The following DOCK4 variants were observed in gnomAD, a reference collection of about 807,000 sequenced individuals.
The protein encoded by DOCK4 is dedicator of cytokinesis 4, also known as dedicator of cytokinesis protein 4.
A neutral mutation model predicts 268.1 loss-of-function variants in DOCK4; 97 were observed. That is an observed-to-expected ratio of 0.36 (90% CI 0.31 to 0.43). DOCK4 has a LOEUF of 0.43. Among genes scored for constraint, DOCK4 ranks in the 20% least tolerant of loss-of-function variants. The pLI is 1.00. For missense variants in DOCK4, 2,145 were observed against 2,455.7 expected (o/e 0.87, Z 2.67); for synonymous variants, 954 against 887.2 (o/e 1.08, Z -1.34).
chr7:111,997,999 T>G (rs1800103734), intron 4 of DOCK4, among the ~76,000 whole-genome samples: 1 of 152,232 alleles, frequency 6.6e-6, no homozygotes, highest in South Asian at 2.1e-4. Flanking sequence ...AATAGAATAA[T>G]GGCTTTGTGA....
chr7:112,188,214 C>G (rs1401755907), intron 1 of DOCK4, among the ~76,000 whole-genome samples: 1 of 152,256 alleles, frequency 6.6e-6, no homozygotes, highest in East Asian at 1.9e-4. Context: ...ATCTCATACA[C>G]TTCACCTTCA....
intron 1 of DOCK4, among the ~76,000 whole-genome samples, chr7:112,127,617 T>A (rs1302472030): frequency 6.6e-6 from 1 of 152,068 alleles, no homozygotes; most frequent in African/African-American, 2.4e-5. Context: ...TGCTTAAAAA[T>A]TAAATTCATT....
rs565544544 is a variant in DOCK4, at chr7:111,742,215, C to A, written c.4678-83G>T. On this transcript the variant is annotated intron_variant, in intron 44 of 52. Transcript: ENST00000428084. The stretch of plus-strand genomic sequence containing the variant: ...CTGCTATGGGCCGAGCACTTTACTA[C>A]GCATTTCGCTTGCATTATTGCTAAT... 10 of 1,387,180 alleles carry A rather than the reference C, an allele frequency of 7.2e-6. No homozygotes were observed. The South Asian group carries it at 1.4e-4, about 20-fold the overall frequency. The allele number at this position is 1,387,180 out of a possible 1,614,324, so 85.9% of individuals were successfully genotyped here.
intron 47 of DOCK4, among the ~76,000 whole-genome samples, chr7:111,740,689 C>T (rs1446722777): frequency 3.0e-5 from 4 of 131,648 alleles, no homozygotes; most frequent in African/African-American, 1.1e-4. Context: ...GCCAAGATCG[C>T]ACCACTGCAC....
chr7:112,042,515 T>C (rs1363944108), intron 1 of DOCK4, among the ~76,000 whole-genome samples: 1 of 151,998 alleles, frequency 6.6e-6, no homozygotes, highest in Non-Finnish European at 1.5e-5. Flanking sequence ...ACATGCTGAG[T>C]AGAAGTTCCA....
chr7:111,731,395 A>C (rs1232079552), intron 52 of DOCK4, among the ~76,000 whole-genome samples: 6 of 152,190 alleles, frequency 3.9e-5, no homozygotes, highest in African/African-American at 1.4e-4. Flanking sequence ...CTAGCTCATC[A>C]CACAAAGGAC....
At chr7:111,770,649 T>C (rs1798073380) in intron 36 of DOCK4, among the ~76,000 whole-genome samples, 1 of 152,236 alleles carries the variant, frequency 6.6e-6, no homozygotes, top group Non-Finnish European at 1.5e-5. Flanking sequence ...AGGACTATAA[T>C]AATTTTTCCT....
chr7:111,995,431 GT>G lies in DOCK4; in HGVS notation c.219-1201del, dbSNP rs773201977. Among the ~76,000 whole-genome samples the G allele has an allele frequency of 9.2e-3, 806 of 87,912 alleles. 16 individuals carry two copies. Among genetic ancestry groups the G allele is most frequent in the Admixed American group, 0.073 (565 of 7,700 alleles). 57.7% of individuals were successfully genotyped at this position (87,912 alleles called of 152,430 possible). ...TCTTTCTTTGTGTGTGTGTGTGTGT[GT>G]GTGTGTGTGTGTGTGTGTGTGTGTG... On this transcript the variant is annotated intron_variant, in intron 4 of 52. Coordinates refer to ENST00000428084, the MANE Select transcript of DOCK4 (RefSeq NM_001363540.2).
rs1795860590 is a variant in DOCK4, at chr7:111,949,182, G to A, written c.702-3384C>T. Among the ~76,000 whole-genome samples, 5 of 152,166 alleles carry A rather than the reference G, an allele frequency of 3.3e-5. No homozygotes were observed. The South Asian group carries it at 8.3e-4, about 25-fold the overall frequency. On this transcript the variant is annotated intron_variant, in intron 8 of 52. Coordinates refer to ENST00000428084, the MANE Select transcript of DOCK4 (RefSeq NM_001363540.2). Reference sequence around the variant, plus strand: ...TTTTTGAGATGTAATGAGGTTTGAAGCTCCTCATTACCTCTACAGAAACAT... The same window carrying A: ...TTTTTGAGATGTAATGAGGTTTGAAACTCCTCATTACCTCTACAGAAACAT...
At position 111,899,783 on chromosome 7, in the gene DOCK4, C is replaced by T. The variant is rs549885376; in HGVS notation, c.1480+591G>A. On this transcript the variant is annotated intron_variant, in intron 15 of 52. Transcript: ENST00000428084. Reference sequence around the variant, plus strand: ...AATAAAAATACAAAAATTAGCCAGGCGTGGTGGCCGGGCGCCTGTAGTCCC... The same window carrying T: ...AATAAAAATACAAAAATTAGCCAGGTGTGGTGGCCGGGCGCCTGTAGTCCC... Among the ~76,000 whole-genome samples, 267 of 152,204 alleles carry T rather than the reference C, an allele frequency of 1.8e-3. 2 individuals are homozygous for T. The highest frequency in any genetic ancestry group is 6.2e-3 in the African/African-American group (257 of 41,552).
At chr7:111,732,411 G>T (rs74504826) in intron 51 of DOCK4, 124 bp from the exon 52 acceptor site, 11 of 925,646 alleles carry the variant, frequency 1.2e-5, no homozygotes, top group Admixed American at 4.3e-5. Context: ...CTAAGCAAAG[G>T]GGGTGGTGAG....
chr7:112,158,680 A>G (rs1435073969), intron 1 of DOCK4, among the ~76,000 whole-genome samples: 1 of 152,244 alleles, frequency 6.6e-6, no homozygotes, highest in Non-Finnish European at 1.5e-5. Context: ...AAAATTTCAA[A>G]GAAACTATCA....
chr7:111,862,482 C>CTTTTT (rs1168060750), intron 23 of DOCK4, among the ~76,000 whole-genome samples: 1 of 83,380 alleles, frequency 1.2e-5, no homozygotes, highest in Non-Finnish European at 2.2e-5. Context: ...GAAAATCATT[C>CTTTTT]TTTTTTTTTT....
intron 17 of DOCK4, among the ~76,000 whole-genome samples, chr7:111,873,480 G>A (rs748979141): frequency 3.6e-4 from 55 of 152,312 alleles, no homozygotes; most frequent in Non-Finnish European, 6.2e-4. Context: ...AGGGCTCAGT[G>A]GAGTTGCCAG....
intron 40 of DOCK4, among the ~76,000 whole-genome samples, chr7:111,759,058 G>A (rs1797219519): frequency 6.6e-6 from 1 of 152,052 alleles, no homozygotes; most frequent in Admixed American, 6.6e-5. Flanking sequence ...TATGAATTTA[G>A]ATATCACTAA....
At chr7:111,994,792 T>C (rs1799795485) in intron 4 of DOCK4, among the ~76,000 whole-genome samples, 1 of 152,096 alleles carries the variant, frequency 6.6e-6, no homozygotes, top group African/African-American at 2.4e-5. Context: ...GAGAAATGAT[T>C]AGTATTCTAA....
At chr7:111,793,979 A>G (rs1799721050) in intron 30 of DOCK4, among the ~76,000 whole-genome samples, 1 of 152,114 alleles carries the variant, frequency 6.6e-6, no homozygotes, top group Admixed American at 6.6e-5. Context: ...GCTGAGTGGA[A>G]GAGGTAGTTG....
chr7:111,977,903 T>C (rs1798328287), intron 7 of DOCK4, among the ~76,000 whole-genome samples: 1 of 152,206 alleles, frequency 6.6e-6, no homozygotes, highest in Non-Finnish European at 1.5e-5. Context: ...AAGAATAGCA[T>C]CTATGTCCAC....
chr7:111,736,022 C>T (rs192181512), intron 50 of DOCK4, among the ~76,000 whole-genome samples: 1 of 152,252 alleles, frequency 6.6e-6, no homozygotes, highest in African/African-American at 2.4e-5. Context: ...ATACCACATT[C>T]CTTAGTTCTA....
Sources: allele counts gnomAD v4.1 joint callset (sites outside exome capture counted in the v4.1 genomes callset), GRCh38; gene constraint gnomAD v4.1.1; transcripts MANE v1.5; gene names NCBI Gene and HGNC (gene_info 2026-07-23, HGNC 2026-07-21).